The following PACRGL variants were observed in gnomAD, a reference collection of about 807,000 sequenced individuals.
PACRGL encodes the protein parkin coregulated like.
A neutral mutation model predicts 34.5 loss-of-function variants in PACRGL; 38 were observed. The ratio of observed to expected loss-of-function variants is 1.10; its 90% CI spans 0.85 to 1.44. The LOEUF is 1.44. PACRGL is among the 40% of genes most tolerant of loss of function. PACRGL has a pLI of 0.00. For missense variants in PACRGL, 305 were observed against 281.4 expected, an observed-to-expected ratio of 1.08 and a Z score of -0.60; for synonymous variants, 128 against 100.1, an observed-to-expected ratio of 1.28 and a Z score of -1.66.
At position 20,713,522 on chromosome 4, in the gene PACRGL, A is replaced by C. The variant is rs756537223; in HGVS notation, c.592A>C (p.Lys198Gln). The C allele has an allele frequency of 8.1e-6, 13 of 1,611,782 alleles. No homozygotes were observed. The highest frequency in any genetic ancestry group is 1.3e-5 in the African/African-American group (1 of 74,856). Residue 198 changes from lysine (K) to glutamine (Q), a missense_variant, in exon 7 of 9, where the codon AAG becomes CAG. Coordinates refer to ENST00000503585, the MANE Select transcript of PACRGL (RefSeq NM_001258345.3). The stretch of plus-strand genomic sequence containing the variant: ...TGGTCCTTCTCTAAACGACCATCTG[A>C]AGCATCTGCTTACAAGCGTAAGTAC... ...VVGPSLNDHL[K>Q]HLLTSLSKRL...
chr4:20,705,870 G>C (rs1193168388), intron 3 of PACRGL, among the ~76,000 whole-genome samples: 4 of 148,334 alleles, frequency 2.7e-5, no homozygotes, highest in Non-Finnish European at 5.9e-5. Flanking sequence ...GGCGAAAGGT[G>C]GGCAGGGATT....
chr4:20,761,116 C>T, the PACRGL span, among the ~76,000 whole-genome samples: 2 of 152,110 alleles, frequency 1.3e-5, no homozygotes, highest in Non-Finnish European at 2.9e-5. Flanking sequence ...CGGACCTTCC[C>T]AGAGAAAGAG....
the PACRGL span, among the ~76,000 whole-genome samples, chr4:20,761,914 A>G: frequency 2.0e-5 from 3 of 152,160 alleles, no homozygotes; most frequent in Non-Finnish European, 4.4e-5. Context: ...CTCTACAAAC[A>G]CATACTGTAT....
At chr4:20,697,954 T>C (rs571406169), upstream of PACRGL, among the ~76,000 whole-genome samples, 1 of 152,254 alleles carries the variant, frequency 6.6e-6, no homozygotes, top group South Asian at 2.1e-4. Flanking sequence ...TTTCAATCTA[T>C]GAATTTTGGA....
chr4:20,742,417 A>G (rs1283394634), intron 8 of PACRGL, among the ~76,000 whole-genome samples: 2 of 152,174 alleles, frequency 1.3e-5, no homozygotes, highest in African/African-American at 4.8e-5. Context: ...TTCAACATAC[A>G]CAAATCAATA....
chr4:20,704,567 A>G (rs902883773), intron 2 of PACRGL, 34 bp downstream of exon 2: 4 of 1,613,522 alleles, frequency 2.5e-6, no homozygotes, highest in South Asian at 2.2e-5. Flanking sequence ...GAAGAGGTCA[A>G]GTTTGTTCAT....
chr4:20,716,403 G>T (rs1173738729), intron 7 of PACRGL, among the ~76,000 whole-genome samples: 1 of 152,124 alleles, frequency 6.6e-6, no homozygotes, highest in East Asian at 1.9e-4. Context: ...CAACGTGCAG[G>T]TTTGTTACGT....
At chr4:20,738,946 C>T (rs574970393) in intron 8 of PACRGL, among the ~76,000 whole-genome samples, 1 of 152,338 alleles carries the variant, frequency 6.6e-6, no homozygotes, top group African/African-American at 2.4e-5. Context: ...TTATATACTG[C>T]ACCTGGCTCA....
chr4:20,697,228 G>A (rs537696463), upstream of PACRGL, among the ~76,000 whole-genome samples: 2 of 152,212 alleles, frequency 1.3e-5, no homozygotes, highest in Admixed American at 1.3e-4. Flanking sequence ...CAAATTTCTT[G>A]TATCACATTT....
chr4:20,696,883 A>G (rs1731265981), upstream of PACRGL, among the ~76,000 whole-genome samples: 1 of 152,266 alleles, frequency 6.6e-6, no homozygotes, highest in African/African-American at 2.4e-5. Flanking sequence ...AATGTAAAAT[A>G]TCACATTAAT....
At position 20,730,094 on chromosome 4, in the gene PACRGL, T is replaced by G. The variant is rs1247344088; in HGVS notation, c.*2753T>G. 1 of 1,609,008 alleles carries G rather than the reference T, an allele frequency of 6.2e-7. No individual in the cohort carries two copies. Among genetic ancestry groups the G allele is most frequent in the Non-Finnish European group, 8.5e-7 (1 of 1,178,322 alleles). On this transcript the variant is annotated 3_prime_UTR_variant, in exon 9 of 9. Coordinates refer to ENST00000503585, the MANE Select transcript of PACRGL (RefSeq NM_001258345.3). ...TCTATTTGACAAGTTAAATCACATT[T>G]TCAAAGAGCTGCATGGAGCGCATTA...
At chr4:20,740,978 C>A (rs1169968907) in intron 8 of PACRGL, among the ~76,000 whole-genome samples, 1 of 152,108 alleles carries the variant, frequency 6.6e-6, no homozygotes, top group Non-Finnish European at 1.5e-5. Flanking sequence ...ACAAAGAAGG[C>A]TATTACATAA....
intron 6 of PACRGL, 45 bp downstream of exon 6, chr4:20,712,967 G>T: frequency 1.4e-6 from 2 of 1,437,482 alleles, no homozygotes; most frequent in Non-Finnish European, 1.9e-6. Context: ...AAACATGATA[G>T]AAAAGAAAGC....
Position 20,730,024 on chromosome 4 carries a change from T to TTTAAGGGTGGTAGA in PACRGL, c.*2684_*2697dup. 2 of 1,554,958 alleles carry TTTAAGGGTGGTAGA rather than the reference T, an allele frequency of 1.3e-6. No homozygotes were observed. Among genetic ancestry groups the TTTAAGGGTGGTAGA allele is most frequent in the Non-Finnish European group, 1.7e-6 (2 of 1,153,782 alleles). On this transcript the variant is annotated 3_prime_UTR_variant, in exon 9 of 9. Transcript: ENST00000503585. Reference sequence around the variant, plus strand: ...CTATGCTAAAAGTGGTAGCTCCAACTTTAAGGGTGGTAGAATAGTTCACAT... The same window carrying TTTAAGGGTGGTAGA: ...CTATGCTAAAAGTGGTAGCTCCAACTTTAAGGGTGGTAGATTAAGGGTGGTAGAATAGTTCACAT...
chr4:20,749,768 G>C (rs932421345), intron 8 of PACRGL: 25 of 1,413,972 alleles, frequency 1.8e-5, no homozygotes, highest in Non-Finnish European at 2.3e-5. Context: ...TTAAGTCAGT[G>C]TTTCCATATC....
intron 8 of PACRGL, among the ~76,000 whole-genome samples, chr4:20,726,301 C>A (rs1439178922): frequency 1.3e-5 from 2 of 152,118 alleles, no homozygotes; most frequent in Non-Finnish European, 2.9e-5. Flanking sequence ...TTTACTACTC[C>A]ATCTTACTAG....
rs779766620 is a variant in PACRGL, at chr4:20,730,439, T to G, written c.*3098T>G. 1.3e-4 allele frequency among the ~76,000 whole-genome samples: 19 copies of G among 151,874 alleles called. No homozygotes were observed. The highest frequency in any genetic ancestry group is 2.4e-4 in the Non-Finnish European group (16 of 67,980). ...AATGCCAAAATGGAAACTACAGAGG[T>G]GCAGAGGTGTGTCAAAGCAAATGAG... On this transcript the variant is annotated 3_prime_UTR_variant, in exon 9 of 9. Transcript: ENST00000503585.
At chr4:20,733,175 A>C (rs577646165), downstream of PACRGL, among the ~76,000 whole-genome samples, 2 of 152,312 alleles carry the variant, frequency 1.3e-5, no homozygotes, top group South Asian at 4.1e-4. Flanking sequence ...AATATACGGC[A>C]CATCGTATAT....
chr4:20,757,606 T>C (rs141181400), downstream of PACRGL, among the ~76,000 whole-genome samples: 2 of 152,296 alleles, frequency 1.3e-5, no homozygotes, highest in African/African-American at 4.8e-5. Flanking sequence ...ACCCTTTGTT[T>C]ACACCCCATT....
Sources: allele counts gnomAD v4.1 joint callset (sites outside exome capture counted in the v4.1 genomes callset), GRCh38; gene constraint gnomAD v4.1.1; transcripts MANE v1.5; gene names NCBI Gene and HGNC (gene_info 2026-07-23, HGNC 2026-07-21).